Variants in DDIAS observed in about 807,000 individuals in gnomAD.
DDIAS encodes DNA damage-induced apoptosis suppressor protein.
In DDIAS, 14 loss-of-function variants were observed where a neutral mutation model predicts 15.7. The observed-to-expected ratio is 0.89, with a 90% CI of 0.59 to 1.39. DDIAS has a LOEUF of 1.39. Ranked by LOEUF, DDIAS falls within the 40% of genes most tolerant of loss-of-function variation. DDIAS has a pLI of 0.00. For synonymous variants in DDIAS, 355 were observed against 395.9 expected (o/e 0.90, Z 1.23); for missense variants, 1,035 against 1,130.9 (o/e 0.92, Z 1.22).
In DDIAS at chr11:82,933,853, G is replaced by GT. The variant is rs1439047404; in HGVS notation, c.2516dup (p.Ser840IlefsTer16). The GT allele has an allele frequency of 1.2e-6, 2 of 1,613,960 alleles. No homozygotes were observed. The highest frequency in any genetic ancestry group is 3.3e-5 in the Admixed American group (2 of 59,980). ...TAGCCAGAAAATCAGAAGCCCTATT[G>GT]TATCTGGTGTTTCACAACCAGACGT... On this transcript the variant is annotated frameshift_variant, in exon 6 of 6. Transcript: ENST00000533655. LOFTEE classifies it low-confidence loss of function (END_TRUNC).
At chr11:82,907,791 T>C (rs1162702581) in intron 1 of DDIAS, among the ~76,000 whole-genome samples, 1 of 152,250 alleles carries the variant, frequency 6.6e-6, no homozygotes, top group Non-Finnish European at 1.5e-5. Context: ...TCCTCCCACC[T>C]TGGCCTCCCA....
intron 3 of DDIAS, among the ~76,000 whole-genome samples, chr11:82,921,839 A>C (rs1860761304): frequency 6.6e-6 from 1 of 152,096 alleles, no homozygotes; most frequent in Non-Finnish European, 1.5e-5. Flanking sequence ...TCAGCCTCCC[A>C]AAGGGCTAGG....
At chr11:82,910,606 C>CTT (rs869173859) in intron 1 of DDIAS, among the ~76,000 whole-genome samples, 1,197 of 89,056 alleles carry the variant, frequency 0.013, 62 homozygotes, top group African/African-American at 0.036. Context: ...CTCTCTCTCT[C>CTT]TTTTTTTTTT....
At chr11:82,916,772 T>C (rs938001124) in intron 3 of DDIAS, among the ~76,000 whole-genome samples, 1 of 152,198 alleles carries the variant, frequency 6.6e-6, no homozygotes, top group Non-Finnish European at 1.5e-5. Flanking sequence ...GTGAATGCTA[T>C]TGTTAATGCC....
At position 82,933,601 on chromosome 11, in the gene DDIAS, C is replaced by T; in HGVS notation, c.2263C>T (p.Gln755Ter). The T allele has an allele frequency of 6.2e-7, 1 of 1,613,760 alleles. No individual in the cohort carries two copies. Among genetic ancestry groups the T allele is most frequent in the Non-Finnish European group, 8.5e-7 (1 of 1,179,872 alleles). Residue 755 changes from glutamine to a stop codon, truncating the protein, a stop_gained, in exon 6 of 6, where the codon CAA becomes TAA. Coordinates refer to ENST00000533655, the MANE Select transcript of DDIAS (RefSeq NM_145018.4). LOFTEE classifies it low-confidence loss of function (END_TRUNC). Reference sequence around the variant, plus strand: ...AACATGCTCTCCAACACCTCATTTTCAATCAGATTCAGAATATAATTTTGA... The same window carrying T: ...AACATGCTCTCCAACACCTCATTTTTAATCAGATTCAGAATATAATTTTGA... ...SRTCSPTPHF[Q>*]SDSEYNFENS...
intron 1 of DDIAS, among the ~76,000 whole-genome samples, chr11:82,905,508 G>A (rs1463092517): frequency 6.6e-6 from 1 of 151,938 alleles, no homozygotes; most frequent in Non-Finnish European, 1.5e-5. Context: ...ACCACCCTGA[G>A]AAAATACTTT....
At chr11:82,913,822 G>A (rs1860570741) in intron 2 of DDIAS, 11 of 385,354 alleles carry the variant, frequency 2.9e-5, no homozygotes, top group South Asian at 1.9e-4. Flanking sequence ...TTGGATTTTT[G>A]AATATTTGCA....
At chr11:82,916,528 T>C (rs1457315503) in intron 3 of DDIAS, among the ~76,000 whole-genome samples, 2 of 152,204 alleles carry the variant, frequency 1.3e-5, no homozygotes, top group African/African-American at 4.8e-5. Context: ...CCTAGAACAT[T>C]GTCTGATACA....
chr11:82,924,357 C>T (rs1256485414), intron 3 of DDIAS, among the ~76,000 whole-genome samples: 1 of 152,162 alleles, frequency 6.6e-6, no homozygotes, highest in Non-Finnish European at 1.5e-5. Flanking sequence ...CCTCCAGTCC[C>T]TAAGATATGT....
chr11:82,910,681 A>G (rs2121321209), intron 1 of DDIAS, among the ~76,000 whole-genome samples: 1 of 144,132 alleles, frequency 6.9e-6, no homozygotes, highest in East Asian at 2.0e-4. Context: ...AGTGCCATGA[A>G]TACAGCTCAC....
At chr11:82,910,932 C>T (rs776003472) in intron 1 of DDIAS, among the ~76,000 whole-genome samples, 4 of 152,072 alleles carry the variant, frequency 2.6e-5, no homozygotes, top group Non-Finnish European at 4.4e-5. Context: ...GCAAATATTG[C>T]AGTAAAGCAA....
At chr11:82,903,404 C>T (rs1012975531) in intron 1 of DDIAS, among the ~76,000 whole-genome samples, 3 of 152,190 alleles carry the variant, frequency 2.0e-5, no homozygotes, top group African/African-American at 7.2e-5. Flanking sequence ...GTTTGAGTTA[C>T]TGGTTAGTGA....
chr11:82,905,197 C>T (rs1860402118), intron 1 of DDIAS, among the ~76,000 whole-genome samples: 1 of 152,078 alleles, frequency 6.6e-6, no homozygotes, highest in Non-Finnish European at 1.5e-5. Context: ...CTGGTATGTG[C>T]CCTTTGAAAA....
intron 1 of DDIAS, chr11:82,909,422 T>C (rs771479633): frequency 6.6e-6 from 1 of 152,228 alleles, no homozygotes; most frequent in Non-Finnish European, 1.5e-5. Context: ...TCTTATCCTA[T>C]GACTTAGAAT....
chr11:82,931,909 A>AG lies in DDIAS; in HGVS notation c.573dup (p.Lys192GlufsTer5). On this transcript the variant is annotated frameshift_variant, in exon 6 of 6. Transcript: ENST00000533655. LOFTEE classifies it low-confidence loss of function (END_TRUNC). ...TCAACTTTTGCAGACTTTTAATTTC[A>AG]GGAAACTTCAGTGTGACTCTCAGGC... 6.2e-7 allele frequency: 1 copy of AG among 1,614,208 alleles called. No homozygotes were observed. Among genetic ancestry groups the AG allele is most frequent in the Non-Finnish European group, 8.5e-7 (1 of 1,180,042 alleles).
Position 82,923,687 on chromosome 11 carries a change from A to G in DDIAS, c.114-5090A>G, listed in dbSNP as rs545501737. Among the ~76,000 whole-genome samples the G allele has an allele frequency of 2.7e-4, 41 of 152,302 alleles. No individual in the cohort carries two copies. In the South Asian group the frequency reaches 8.3e-3, roughly 31 times the overall value. On this transcript the variant is annotated intron_variant, in intron 3 of 5. Coordinates refer to ENST00000533655, the MANE Select transcript of DDIAS (RefSeq NM_145018.4). ...TAGTACCTAGTGCTGAGTAGTAGGT[A>G]AGACTCTAGGGCCCCCACGTTAGTT...
chr11:82,932,691 T>G lies in DDIAS; in HGVS notation c.1353T>G (p.Ile451Met), dbSNP rs774594388. ...GGAAACATCATGTAGATAATGACAT[T>G]GATAAATTTCATGCAGACCACAGCA... is the stretch of plus-strand genomic sequence containing the variant. ...SSRKHHVDND[I>M]DKFHADHSRL... is the part of the protein sequence containing the mutation. Residue 451 changes from isoleucine (I) to methionine (M), a missense_variant, in exon 6 of 6, where the codon ATT becomes ATG. Ile to Met is a conservative substitution (Grantham distance 10, BLOSUM62 1). Coordinates refer to ENST00000533655, the MANE Select transcript of DDIAS (RefSeq NM_145018.4). 6.2e-7 allele frequency: 1 copy of G among 1,614,056 alleles called. No homozygotes were observed. Among genetic ancestry groups the G allele is most frequent in the Non-Finnish European group, 8.5e-7 (1 of 1,180,024 alleles).
At chr11:82,921,609 G>A (rs1344390550) in intron 3 of DDIAS, among the ~76,000 whole-genome samples, 2 of 98,036 alleles carry the variant, frequency 2.0e-5, no homozygotes, top group Non-Finnish European at 1.9e-5. Context: ...ACGGAGTTTC[G>A]CTTTTTCGCC....
intron 3 of DDIAS, among the ~76,000 whole-genome samples, chr11:82,922,904 C>A (rs190587330): frequency 7.2e-5 from 11 of 152,288 alleles, no homozygotes; most frequent in East Asian, 3.9e-4. Flanking sequence ...TACTCTCCCC[C>A]CTTTTCCTAT....
Sources: allele counts gnomAD v4.1 joint callset (sites outside exome capture counted in the v4.1 genomes callset), GRCh38; gene constraint gnomAD v4.1.1; transcripts MANE v1.5; gene names NCBI Gene and HGNC (gene_info 2026-07-23, HGNC 2026-07-21).